The following NGEF variants were observed in gnomAD, a reference collection of about 807,000 sequenced individuals.
NGEF encodes the protein ephexin-1.
A neutral mutation model predicts 80.9 loss-of-function variants in NGEF; 31 were observed. The ratio of observed to expected loss-of-function variants is 0.38; its 90% CI spans 0.29 to 0.52. NGEF has a LOEUF of 0.52. Among genes scored for constraint, NGEF ranks in the 20% least tolerant of loss-of-function variants. NGEF has a pLI of 0.84. For synonymous variants in NGEF, 371 were observed against 370.2 expected, an observed-to-expected ratio of 1.00 and a Z score of -0.03; for missense variants, 709 against 926.2, an observed-to-expected ratio of 0.77 and a Z score of 3.04.
At chr2:232,963,449 A>T (rs557601424) in intron 3 of NGEF, among the ~76,000 whole-genome samples, 1 of 151,956 alleles carries the variant, frequency 6.6e-6, no homozygotes, top group African/African-American at 2.4e-5. Flanking sequence ...TTCTTAGGAT[A>T]TAAAAGGACA....
intron 3 of NGEF, among the ~76,000 whole-genome samples, chr2:232,958,561 G>A (rs1414900984): frequency 1.3e-5 from 2 of 152,102 alleles, no homozygotes; most frequent in East Asian, 1.9e-4. Flanking sequence ...ACTTGGCATG[G>A]TCCTATGTTT....
intron 1 of NGEF, among the ~76,000 whole-genome samples, chr2:232,980,914 G>T (rs1694403939): frequency 6.6e-6 from 1 of 152,104 alleles, no homozygotes; most frequent in African/African-American, 2.4e-5. Flanking sequence ...GAGAGCAGCG[G>T]CCCTTGCTTT....
chr2:232,887,654 C>G (rs1691734570), intron 9 of NGEF, among the ~76,000 whole-genome samples: 1 of 152,166 alleles, frequency 6.6e-6, no homozygotes, highest in Admixed American at 6.5e-5. Context: ...GTGTGGGCCC[C>G]AGATGCCTGC....
intron 5 of NGEF, 64 bp downstream of exon 5, chr2:232,920,220 C>T (rs769933972): frequency 6.6e-6 from 10 of 1,518,690 alleles, no homozygotes; most frequent in Non-Finnish European, 8.9e-6. Context: ...GGAAGCCTCA[C>T]CCCCAGCAGT....
intron 5 of NGEF, among the ~76,000 whole-genome samples, chr2:232,899,031 T>G (rs1248965369): frequency 6.6e-6 from 1 of 151,492 alleles, no homozygotes; most frequent in Non-Finnish European, 1.5e-5. Context: ...TGTGAGTGAA[T>G]ATGAGGGTGG....
chr2:232,939,175 C>CAAA (rs60357492), intron 3 of NGEF, among the ~76,000 whole-genome samples: 22 of 66,078 alleles, frequency 3.3e-4, no homozygotes, highest in Admixed American at 1.6e-3. Flanking sequence ...GACTCAGTCT[C>CAAA]AAAAAAAAAA....
chr2:232,996,376 C>G (rs914606615), intron 1 of NGEF, among the ~76,000 whole-genome samples: 2 of 152,114 alleles, frequency 1.3e-5, no homozygotes, highest in Non-Finnish European at 2.9e-5. Context: ...AGCAACCGAC[C>G]AATTGCTGGG....
At position 232,979,618 on chromosome 2, in the gene NGEF, A is replaced by G. The variant is rs577990339; in HGVS notation, c.-74-4654T>C. On this transcript the variant is annotated intron_variant, in intron 1 of 14. Transcript: ENST00000264051. Reference sequence around the variant, plus strand: ...ACCCATGTCTTTCTATTCCATGGTAACTTCAGGGTGGGGGAGCCTGGGGAT... The same window carrying G: ...ACCCATGTCTTTCTATTCCATGGTAGCTTCAGGGTGGGGGAGCCTGGGGAT... Among the ~76,000 whole-genome samples the G allele has an allele frequency of 2.0e-5, 3 of 152,180 alleles. No homozygotes were observed. In the South Asian group the frequency reaches 6.2e-4, roughly 32 times the overall value.
chr2:232,955,448 G>A (rs1693801968), intron 3 of NGEF, among the ~76,000 whole-genome samples: 1 of 152,170 alleles, frequency 6.6e-6, no homozygotes, highest in Non-Finnish European at 1.5e-5. Context: ...GGATCATCAT[G>A]GCAGCCTGCT....
In NGEF at chr2:232,900,242, T is replaced by G. The variant is rs1692274293; in HGVS notation, c.829-5326A>C. Among the ~76,000 whole-genome samples, 4 of 131,600 alleles carry G rather than the reference T, an allele frequency of 3.0e-5. No individual in the cohort carries two copies. In the South Asian group the frequency reaches 1.0e-3, roughly 33 times the overall value. 86.3% of individuals were successfully genotyped at this position (131,600 alleles called of 152,430 possible). A position where few individuals can be genotyped will look rare whatever the true frequency, so the allele number is the denominator to read the frequency against. On this transcript the variant is annotated intron_variant, in intron 5 of 14. Transcript: ENST00000264051. ...TTCACTCACATTCACACACACACGC[T>G]CTCAGTCACTCATATACACGTTCAC...
intron 1 of NGEF, chr2:233,012,691 T>C: frequency 5.4e-6 from 2 of 373,226 alleles, no homozygotes; most frequent in Non-Finnish European, 1.1e-5. Context: ...TTTAATGCTG[T>C]GTTGTTGTCC....
At chr2:232,921,430 C>G (rs990079217) in intron 4 of NGEF, among the ~76,000 whole-genome samples, 6 of 152,170 alleles carry the variant, frequency 3.9e-5, no homozygotes, top group Non-Finnish European at 8.8e-5. Context: ...ACAGAGCAAA[C>G]ACACTCTGTT....
intron 4 of NGEF, among the ~76,000 whole-genome samples, chr2:232,925,461 A>T (rs747462): frequency 1.6e-4 from 24 of 152,062 alleles, no homozygotes; most frequent in African/African-American, 5.5e-4. Flanking sequence ...GGAAAGACTC[A>T]GAACATCAGA....
At chr2:232,986,168 C>T (rs1322589774) in intron 1 of NGEF, among the ~76,000 whole-genome samples, 1 of 152,162 alleles carries the variant, frequency 6.6e-6, no homozygotes, top group East Asian at 1.9e-4. Context: ...TACCATCTCA[C>T]ACCTGTCAGC....
intron 14 of NGEF, 93 bp from the exon 15 acceptor site, chr2:232,879,772 G>T: frequency 8.5e-7 from 1 of 1,169,724 alleles, no homozygotes; most frequent in Non-Finnish European, 1.2e-6. Flanking sequence ...CATCTGTGGC[G>T]GGACACTAGG....
intron 5 of NGEF, chr2:232,901,293 G>C: frequency 1.1e-6 from 1 of 893,286 alleles, no homozygotes; most frequent in Non-Finnish European, 1.3e-6. Context: ...CTCCGCACTC[G>C]GATCAACCCT....
chr2:233,008,460 A>G (rs1695133569), intron 1 of NGEF, among the ~76,000 whole-genome samples: 1 of 152,236 alleles, frequency 6.6e-6, no homozygotes, highest in South Asian at 2.1e-4. Context: ...TGATACAAGC[A>G]GGTTGCACTA....
At chr2:232,905,312 C>T (rs1041725701) in intron 5 of NGEF, among the ~76,000 whole-genome samples, 4 of 152,248 alleles carry the variant, frequency 2.6e-5, no homozygotes, top group South Asian at 2.1e-4. Context: ...CTGTGTTGGC[C>T]GGGCTGGTCT....
At chr2:232,966,860 G>A (rs893203353) in intron 3 of NGEF, among the ~76,000 whole-genome samples, 7 of 152,068 alleles carry the variant, frequency 4.6e-5, no homozygotes, top group African/African-American at 1.4e-4. Flanking sequence ...TGAGGGTGGG[G>A]GGGGAGGCGG....
Sources: gnomAD v4.1 joint callset for allele counts (sites outside exome capture counted in the v4.1 genomes callset) on GRCh38, gnomAD v4.1.1 for gene constraint, MANE v1.5 for transcripts, NCBI Gene and HGNC (gene_info 2026-07-23, HGNC 2026-07-21) for gene names.